RABGAP1: variants seen among roughly 807,000 people sequenced by gnomAD.
The protein encoded by RABGAP1 is RAB GTPase activating protein 1.
A neutral mutation model predicts 137.6 loss-of-function variants in RABGAP1; 23 were observed. The ratio of observed to expected loss-of-function variants is 0.17; its 90% CI spans 0.12 to 0.24. The LOEUF is 0.24. RABGAP1 is among the 10% of genes least tolerant of loss of function. The pLI is 1.00. For synonymous variants in RABGAP1, 451 were observed against 450.7 expected, an observed-to-expected ratio of 1.00 and a Z score of -0.01; for missense variants, 906 against 1,275.8, an observed-to-expected ratio of 0.71 and a Z score of 4.42.
At chr9:123,032,433 C>G (rs2032353911) in intron 13 of RABGAP1, among the ~76,000 whole-genome samples, 1 of 152,198 alleles carries the variant, frequency 6.6e-6, no homozygotes, top group South Asian at 2.1e-4. Flanking sequence ...ATATTACTAT[C>G]AGGATTACGG....
At chr9:122,991,037 A>T (rs1836698155) in intron 6 of RABGAP1, among the ~76,000 whole-genome samples, 1 of 151,538 alleles carries the variant, frequency 6.6e-6, no homozygotes, top group Admixed American at 6.6e-5. Flanking sequence ...TTGTAGGGTT[A>T]GAAGTGACTG....
chr9:122,967,327 T>C (rs189277127), intron 2 of RABGAP1, among the ~76,000 whole-genome samples: 2 of 152,280 alleles, frequency 1.3e-5, no homozygotes, highest in Admixed American at 1.3e-4. Flanking sequence ...TCAAGGACTT[T>C]TGCTATAAAA....
chr9:123,045,636 G>A (rs1049794066), intron 13 of RABGAP1, among the ~76,000 whole-genome samples: 2 of 152,188 alleles, frequency 1.3e-5, no homozygotes, highest in African/African-American at 4.8e-5. Flanking sequence ...GAAGATGACA[G>A]CAGTATTATA....
At chr9:123,066,973 A>G (rs902205208) in intron 14 of RABGAP1, among the ~76,000 whole-genome samples, 3 of 152,020 alleles carry the variant, frequency 2.0e-5, no homozygotes, top group African/African-American at 4.8e-5. Context: ...CCTTTTTTCT[A>G]AAGTACTTTA....
chr9:122,948,042 AAC>A (rs55683114), intron 1 of RABGAP1, among the ~76,000 whole-genome samples: 3,521 of 145,978 alleles, frequency 0.024, 123 homozygotes, highest in African/African-American at 0.079. Flanking sequence ...GAGCCAGGAA[AAC>A]ACACACACAC....
chr9:123,052,490 A>T (rs1001967928), intron 13 of RABGAP1, among the ~76,000 whole-genome samples: 4 of 152,232 alleles, frequency 2.6e-5, no homozygotes, highest in Non-Finnish European at 5.9e-5. Flanking sequence ...GTAAGTTTTT[A>T]TCGGGTGCCT....
intron 12 of RABGAP1, among the ~76,000 whole-genome samples, chr9:123,017,475 T>C (rs1004779480): frequency 1.3e-5 from 2 of 152,332 alleles, no homozygotes; most frequent in South Asian, 4.1e-4. Flanking sequence ...CTTCTTTAGT[T>C]CATTACATCA....
chr9:123,099,832 TGAG>T (rs2035289064), intron 24 of RABGAP1, among the ~76,000 whole-genome samples: 1 of 152,204 alleles, frequency 6.6e-6, no homozygotes, highest in African/African-American at 2.4e-5. Context: ...AGTGTGATGC[TGAG>T]GAGAAGGAGT....
At chr9:123,049,569 T>G (rs1000327249) in intron 13 of RABGAP1, among the ~76,000 whole-genome samples, 1 of 152,240 alleles carries the variant, frequency 6.6e-6, no homozygotes, top group Non-Finnish European at 1.5e-5. Context: ...AATACTCTTA[T>G]TGTATCACTT....
Position 123,010,388 on chromosome 9 carries a change from C to G in RABGAP1, c.1409C>G (p.Thr470Ser), listed in dbSNP as rs2030694727. The change falls in exon 11 of 26, where the codon ACT becomes AGT. Residue 470 changes from threonine (T) to serine (S), a missense_variant. Physicochemically the swap from Thr to Ser is moderately conservative, Grantham distance 58. This residue lies in a region of RABGAP1 where 212 missense variants were observed against 289.4 expected (regional missense o/e 0.73). Transcript: ENST00000373647. ...KQRERKNNTD[T>S]LYEVVCLESE... The stretch of plus-strand genomic sequence containing the variant: ...AGGGAGAGAAAGAATAATACTGACA[C>G]TTTATATGAAGTTGTATGCTTGGAA... 6.2e-7 allele frequency: 1 copy of G among 1,613,042 alleles called. No homozygotes were observed. The highest frequency in any genetic ancestry group is 1.1e-5 in the South Asian group (1 of 91,008).
intron 13 of RABGAP1, among the ~76,000 whole-genome samples, chr9:123,050,988 C>T (rs866834712): frequency 2.0e-5 from 3 of 151,394 alleles, no homozygotes; most frequent in Non-Finnish European, 4.4e-5. Flanking sequence ...TTAGAACATG[C>T]TAATACCACA....
chr9:123,047,823 C>CTGT lies in RABGAP1; in HGVS notation c.1795-17523_1795-17521dup, dbSNP rs760793186. On this transcript the variant is annotated intron_variant, in intron 13 of 25. Transcript: ENST00000373647. ...GCAGTGCAGCAGTTCACTGATGGAGCTGTTACATGACTGGTATCATTCAAA... is the reference window on the plus strand; with the variant it reads ...GCAGTGCAGCAGTTCACTGATGGAGCTGTTGTTACATGACTGGTATCATTCAAA... 6.9e-4 allele frequency among the ~76,000 whole-genome samples: 103 copies of CTGT among 149,158 alleles called. No individual in the cohort carries two copies. In the Middle Eastern group the frequency reaches 0.014, roughly 21 times the overall value.
intron 13 of RABGAP1, among the ~76,000 whole-genome samples, chr9:123,060,240 A>G (rs539429833): frequency 5.3e-5 from 8 of 152,366 alleles, no homozygotes. Context: ...ACCAAAGAAA[A>G]TATAAACATT....
chr9:123,049,925 G>C (rs570354979), intron 13 of RABGAP1, among the ~76,000 whole-genome samples: 1 of 152,364 alleles, frequency 6.6e-6, no homozygotes, highest in African/African-American at 2.4e-5. Flanking sequence ...AGATAGGTTT[G>C]TTAAGGTTCA....
intron 1 of RABGAP1, among the ~76,000 whole-genome samples, chr9:122,952,217 G>A (rs1054210094): frequency 6.6e-6 from 1 of 152,028 alleles, no homozygotes; most frequent in African/African-American, 2.4e-5. Context: ...TGTAATCCCA[G>A]CACTTTGGGT....
chr9:122,957,007 TCAGG>T lies in RABGAP1; in HGVS notation c.-49-1_-47del. 1 of 1,372,752 alleles carries T rather than the reference TCAGG, an allele frequency of 7.3e-7. No homozygotes were observed. The highest frequency in any genetic ancestry group is 9.6e-7 in the Non-Finnish European group (1 of 1,037,930). 85.0% of individuals were successfully genotyped at this position (1,372,752 alleles called of 1,614,324 possible). A position where few individuals can be genotyped will look rare whatever the true frequency, so the allele number is the denominator to read the frequency against. The stretch of plus-strand genomic sequence containing the variant: ...TGAGTATCTTTATGGTTTTTGTTTT[TCAGG>T]CATTAAAAAATATTTAATCATTCAT... On this transcript the variant is annotated splice_acceptor_variant and splice_polypyrimidine_tract_variant and 5_prime_UTR_variant and intron_variant, in exon 2 of 26. Coordinates refer to ENST00000373647, the MANE Select transcript of RABGAP1 (RefSeq NM_012197.4). LOFTEE classifies it low-confidence loss of function (5UTR_SPLICE).
intron 11 of RABGAP1, among the ~76,000 whole-genome samples, chr9:123,013,899 AAAAC>A (rs2031017254): frequency 1.3e-5 from 2 of 152,358 alleles, no homozygotes; most frequent in South Asian, 4.1e-4. Context: ...CTAAAAAATA[AAAAC>A]AAACAAAATC....
chr9:123,025,543 C>CTTTTGTT (rs1554719836), intron 13 of RABGAP1, among the ~76,000 whole-genome samples: 1 of 74,998 alleles, frequency 1.3e-5, no homozygotes, highest in African/African-American at 4.5e-5. Flanking sequence ...TCTTTCTTTT[C>CTTTTGTT]TTTTTTTTTT....
chr9:123,007,393 T>TC (rs1192617370), intron 10 of RABGAP1, among the ~76,000 whole-genome samples: 12 of 135,468 alleles, frequency 8.9e-5, no homozygotes, highest in African/African-American at 1.4e-4. Flanking sequence ...TTTTTTTTTT[T>TC]CCAAGACAGA....
Sources: allele counts gnomAD v4.1 joint callset (sites outside exome capture counted in the v4.1 genomes callset), GRCh38; gene constraint gnomAD v4.1.1; regional missense constraint gnomAD v4.1.1; transcripts MANE v1.5; gene names NCBI Gene and HGNC (gene_info 2026-07-23, HGNC 2026-07-21).